Variants in USHBP1 observed in about 807,000 individuals in gnomAD.
The protein encoded by USHBP1 is USH1 protein network component harmonin binding protein 1.
USHBP1 carries 67 observed loss-of-function variants against 76.2 expected under a neutral mutation model. The observed-to-expected ratio is 0.88, with a 90% CI of 0.72 to 1.08. The LOEUF (loss-of-function observed/expected upper bound fraction) is 1.08, where lower values mean the gene tolerates loss of function less well. USHBP1 is among the 50% of genes least tolerant of loss of function. USHBP1 has a pLI of 0.00. For missense variants in USHBP1, 931 were observed against 915.0 expected (o/e 1.02, Z -0.23); for synonymous variants, 322 against 362.2 (o/e 0.89, Z 1.26).
At chr19:17,259,559 C>A (rs763805790) in intron 6 of USHBP1, 37 bp downstream of exon 6, 13 of 1,602,144 alleles carry the variant, frequency 8.1e-6, no homozygotes, top group Non-Finnish European at 8.5e-6. Flanking sequence ...GGAGGAGGTG[C>A]CTGTGCCCTT....
intron 7 of USHBP1, chr19:17,258,798 A>AC (rs1238531887): frequency 7.1e-5 from 19 of 267,718 alleles, no homozygotes; most frequent in Non-Finnish European, 3.7e-5. Flanking sequence ...TTGCTCCTGA[A>AC]CCCCTCTTCT....
At chr19:17,261,904 C>G (rs2073693816) in intron 4 of USHBP1, among the ~76,000 whole-genome samples, 1 of 151,498 alleles carries the variant, frequency 6.6e-6, no homozygotes, top group Admixed American at 6.6e-5. Context: ...AGGCTGGTCT[C>G]TAACTCCTGG....
intron 8 of USHBP1, among the ~76,000 whole-genome samples, 165 bp downstream of exon 8, chr19:17,258,047 C>T (rs1329341143): frequency 6.6e-6 from 1 of 152,138 alleles, no homozygotes; most frequent in African/African-American, 2.4e-5. Context: ...AGCAACAGGC[C>T]AACTGCAGTT....
At position 17,255,567 on chromosome 19, in the gene USHBP1, GCA is replaced by G; in HGVS notation, c.1508_1509del (p.Val503AlafsTer3). 6.2e-7 allele frequency: 1 copy of G among 1,612,546 alleles called. No individual in the cohort carries two copies. The highest frequency in any genetic ancestry group is 8.5e-7 in the Non-Finnish European group (1 of 1,179,154). On this transcript the variant is annotated frameshift_variant, in exon 10 of 13. Transcript: ENST00000252597. LOFTEE classifies it high-confidence loss of function. ...AGCTCTAGGCCCCGCTTCTCACGCC[GCA>G]CCAGCTGCAGCCGAAGCATCAGGTC... ...LADLMLRLQL[V>X]RREKRGLELR...
At position 17,251,609 on chromosome 19, in the gene USHBP1, A is replaced by G. The variant is rs1473415598; in HGVS notation, c.1895T>C (p.Leu632Pro). The change falls in exon 12 of 13, where the codon CTG (leucine) becomes CCG (proline). Residue 632 changes from leucine to proline, a missense_variant. Leu to Pro is a moderately conservative substitution (Grantham distance 98). Transcript: ENST00000252597. ...GRARRSQSAE[L>P]NRDLCKAHSA... ...GTGGGCTTTGCATAAATCCCTGTTCAGCTCGGCACTCTGAGACCGTCTGGC... is the reference window on the plus strand; with the variant it reads ...GTGGGCTTTGCATAAATCCCTGTTCGGCTCGGCACTCTGAGACCGTCTGGC... 5 of 1,614,036 alleles carry G rather than the reference A, an allele frequency of 3.1e-6. No individual in the cohort carries two copies. Among genetic ancestry groups the G allele is most frequent in the South Asian group, 1.1e-5 (1 of 91,090 alleles).
rs1043061436 is a variant in USHBP1, at chr19:17,250,208, AT to A, written c.*16del. 2.3e-5 allele frequency: 36 copies of A among 1,592,610 alleles called. 1 individual carries two copies. The highest frequency in any genetic ancestry group is 9.4e-6 in the Non-Finnish European group (11 of 1,170,744). On this transcript the variant is annotated 3_prime_UTR_variant, in exon 13 of 13. Coordinates refer to ENST00000252597, the MANE Select transcript of USHBP1 (RefSeq NM_031941.4). ...CCACAGCTGTCTGGCATGTCCAGAC[AT>A]GGCTGGGTAAGGGGCCTACAGAAAG... is the stretch of plus-strand genomic sequence containing the variant.
At chr19:17,258,081 G>A in intron 8 of USHBP1, 131 bp downstream of exon 8, 1 of 1,276,130 alleles carries the variant, frequency 7.8e-7, no homozygotes, top group Non-Finnish European at 1.1e-6. Flanking sequence ...ACCAACTACA[G>A]TGAGCTCCAT....
At position 17,256,591 on chromosome 19, in the gene USHBP1, T is replaced by A. The variant is rs2073622415; in HGVS notation, c.1350A>T (p.Ala450=). Residue 450 remains alanine, a synonymous_variant, in exon 9 of 13, where the codon GCA becomes GCT. Transcript: ENST00000252597. ...KILSEPGPTL[A]PMPTVPRAEA... Reference sequence around the variant, plus strand: ...CTGCACGGGGCACAGTGGGCATGGGTGCCAAGGTGGGGCCAGGCTCTGAGA... The same window carrying A: ...CTGCACGGGGCACAGTGGGCATGGGAGCCAAGGTGGGGCCAGGCTCTGAGA... 1 of 1,614,038 alleles carries A rather than the reference T, an allele frequency of 6.2e-7. No homozygotes were observed. The highest frequency in any genetic ancestry group is 1.1e-5 in the South Asian group (1 of 91,090).
Position 17,259,902 on chromosome 19 carries a change from T to C in USHBP1, c.763A>G (p.Thr255Ala). The C allele has an allele frequency of 6.2e-7, 1 of 1,613,424 alleles. No individual in the cohort carries two copies. The highest frequency in any genetic ancestry group is 8.5e-7 in the Non-Finnish European group (1 of 1,179,574). The change falls in exon 5 of 13, where the codon ACT becomes GCT. Residue 255 changes from threonine (T) to alanine (A), a missense_variant. Transcript: ENST00000252597. Reference protein sequence around the residue: ...SSEADREPWETQDSFSLAHPL... With the variant: ...SSEADREPWEAQDSFSLAHPL... ...ATTGAACTTCTCGCACTCACCTGAG[T>C]CTCCCAGGGTTCCCTGTCTGCCTCA...
chr19:17,263,272 A>C (rs1190436587), intron 3 of USHBP1: 1 of 277,118 alleles, frequency 3.6e-6, no homozygotes, highest in Non-Finnish European at 6.8e-6. Flanking sequence ...TCCTGACCTC[A>C]GGTGATCCGC....
chr19:17,257,596 C>T (rs1301249299), intron 8 of USHBP1, among the ~76,000 whole-genome samples: 2 of 140,954 alleles, frequency 1.4e-5, no homozygotes, highest in South Asian at 2.3e-4. Flanking sequence ...GAGCCGAGAT[C>T]GGACCATTGG....
chr19:17,253,061 C>T (rs1272337381), intron 10 of USHBP1, among the ~76,000 whole-genome samples: 6 of 151,328 alleles, frequency 4.0e-5, no homozygotes, highest in Non-Finnish European at 7.4e-5. Flanking sequence ...CTCTGCCTCC[C>T]GGGTTCACGC....
At chr19:17,254,166 AC>A (rs1180703996) in intron 10 of USHBP1, among the ~76,000 whole-genome samples, 1 of 151,642 alleles carries the variant, frequency 6.6e-6, no homozygotes, top group Non-Finnish European at 1.5e-5. Flanking sequence ...ACACAATGAA[AC>A]CCCGTCTCTA....
chr19:17,255,729 A>G (rs1219558328), intron 9 of USHBP1, 123 bp from the exon 10 acceptor site: 5 of 1,072,034 alleles, frequency 4.7e-6, no homozygotes, highest in Non-Finnish European at 6.6e-6. Context: ...GGCCAGGCGC[A>G]GTGGCTCATG....
rs1568328762 is a variant in USHBP1, at chr19:17,262,994, TG to T, written c.204-5del. 1 of 1,512,490 alleles carries T rather than the reference TG, an allele frequency of 6.6e-7. No homozygotes were observed. Among genetic ancestry groups the T allele is most frequent in the East Asian group, 2.3e-5 (1 of 43,818 alleles). 93.7% of individuals were successfully genotyped at this position (1,512,490 alleles called of 1,614,324 possible). On this transcript the variant is annotated splice_polypyrimidine_tract_variant and splice_region_variant and intron_variant, in intron 3 of 12. Transcript: ENST00000252597. ...CCCATCCATCTTCTTGTCAGTCCTG[TG>T]GACACCAACTCAGGCACTTGAGTCA...
rs1299258271 is a variant in USHBP1, at chr19:17,262,816, CAG to C, written c.376_377del (p.Leu126GlufsTer63). 6.2e-7 allele frequency: 1 copy of C among 1,614,206 alleles called. No individual in the cohort carries two copies. Among genetic ancestry groups the C allele is most frequent in the East Asian group, 2.2e-5 (1 of 44,886 alleles). On this transcript the variant is annotated frameshift_variant, in exon 4 of 13. Transcript: ENST00000252597. LOFTEE classifies it high-confidence loss of function. The part of the protein sequence containing the change: ...PDVFQTLQHT[L>X]SSLEAAAAAW... ...CTGCAGCCGCTGCCTCCAGGGAGCT[CAG>C]AGTGTGCTGGAGGGTCTGAAACACA... is the stretch of plus-strand genomic sequence containing the variant.
chr19:17,251,048 T>C (rs937845916), intron 12 of USHBP1, among the ~76,000 whole-genome samples: 1 of 150,806 alleles, frequency 6.6e-6, no homozygotes, highest in Non-Finnish European at 1.5e-5. Context: ...TTAGTAGAGA[T>C]GGGGTTTCTC....
At position 17,250,195 on chromosome 19, in the gene USHBP1, G is replaced by T; in HGVS notation, c.*30C>A. ...AGTTTATGACATGCCACAGCTGTCT[G>T]GCATGTCCAGACATGGCTGGGTAAG... On this transcript the variant is annotated 3_prime_UTR_variant, in exon 13 of 13. Coordinates refer to ENST00000252597, the MANE Select transcript of USHBP1 (RefSeq NM_031941.4). The T allele has an allele frequency of 1.3e-6, 2 of 1,579,318 alleles. No individual in the cohort carries two copies. The highest frequency in any genetic ancestry group is 2.3e-5 in the East Asian group (1 of 42,630).
chr19:17,264,067 C>G lies in USHBP1; in HGVS notation c.138G>C (p.Pro46=). 1 of 1,613,626 alleles carries G rather than the reference C, an allele frequency of 6.2e-7. No homozygotes were observed. ...GSSKPSFAPP[P]VSSGLEQLGP... ...CCAGCTGCTCCAGCCCGGAGCTCAC[C>G]GGAGGTGGGGCAAAGCTGGGCTTGG... Residue 46 remains proline (P), a synonymous_variant, in exon 3 of 13, where the codon CCG becomes CCC. Transcript: ENST00000252597.
Sources: allele counts gnomAD v4.1 joint callset (sites outside exome capture counted in the v4.1 genomes callset), GRCh38; gene constraint gnomAD v4.1.1; transcripts MANE v1.5; gene names NCBI Gene and HGNC (gene_info 2026-07-23, HGNC 2026-07-21).